Variants in SIMC1 observed in about 807,000 individuals in gnomAD.
SIMC1 encodes the protein SUMO interacting motifs containing 1, also known as SUMO-interacting motif-containing protein 1.
SIMC1 carries 55 observed loss-of-function variants against 82.3 expected under a neutral mutation model. That is an observed-to-expected ratio of 0.67 (90% confidence interval 0.54 to 0.84). The LOEUF is 0.84. SIMC1 is among the 40% of genes least tolerant of loss of function. The pLI is 0.00. For synonymous variants in SIMC1, 353 were observed against 426.3 expected (o/e 0.83, Z 2.12); for missense variants, 915 against 1,107.2 (o/e 0.83, Z 2.46).
At chr5:176,329,496 T>G (rs994225757) in intron 7 of SIMC1, among the ~76,000 whole-genome samples, 16 of 126,564 alleles carry the variant, frequency 1.3e-4, no homozygotes, top group Admixed American at 7.4e-4. Flanking sequence ...ACTCCCTCTT[T>G]AAAAAAAAAA....
At chr5:176,252,225 C>A (rs535245268) in intron 1 of SIMC1, among the ~76,000 whole-genome samples, 12 of 148,828 alleles carry the variant, frequency 8.1e-5, no homozygotes, top group South Asian at 4.3e-4. Flanking sequence ...CCGCCCCCCC[C>A]ACCTCCCTCC....
rs370672569 is a variant in SIMC1, at chr5:176,295,291, G to A, written c.1664+29G>A. 27 of 1,580,234 alleles carry A rather than the reference G, an allele frequency of 1.7e-5. No individual in the cohort carries two copies. The African/African-American group carries it at 1.9e-4, about 11-fold the overall frequency. On this transcript the variant is annotated intron_variant, in intron 3 of 9. Transcript: ENST00000429602. ...TGAACCGTAACCTCTGGCTGTTGGC[G>A]AATCTTCTAGGGATCTTGGACTCAG...
chr5:176,273,547 A>C (rs1751540445), intron 1 of SIMC1, among the ~76,000 whole-genome samples: 1 of 152,224 alleles, frequency 6.6e-6, no homozygotes, highest in Non-Finnish European at 1.5e-5. Context: ...GTACATGTGC[A>C]CAATGTGCAG....
At chr5:176,313,667 G>A (rs1238553173) in intron 4 of SIMC1, 24 bp from the exon 5 acceptor site, 2 of 1,612,072 alleles carry the variant, frequency 1.2e-6, no homozygotes, top group East Asian at 2.2e-5. Context: ...AAGAAAGACT[G>A]ACTTCTCATT....
chr5:176,325,481 C>T (rs913672617), intron 7 of SIMC1, among the ~76,000 whole-genome samples: 3 of 152,028 alleles, frequency 2.0e-5, no homozygotes, highest in African/African-American at 2.4e-5. Context: ...GTCAGGAGAT[C>T]GAGACCATCC....
Position 176,290,865 on chromosome 5 carries a change from A to G in SIMC1, c.1341A>G (p.Arg447=). Residue 447 remains arginine (R), a synonymous_variant, in exon 2 of 10, where the codon AGA becomes AGG. Coordinates refer to ENST00000429602, the MANE Select transcript of SIMC1 (RefSeq NM_001308195.2). ...CACCACAAGGTGGGTTGTACAACAG[A>G]CCATGCCTGCATAGACTGAAGTACT... ...SRTPQGGLYN[R]PCLHRLKYFL... 6.2e-7 allele frequency: 1 copy of G among 1,613,480 alleles called. No individual in the cohort carries two copies. Among genetic ancestry groups the G allele is most frequent in the Non-Finnish European group, 8.5e-7 (1 of 1,179,610 alleles).
At chr5:176,327,725 G>A (rs1198201039) in intron 7 of SIMC1, among the ~76,000 whole-genome samples, 1 of 152,142 alleles carries the variant, frequency 6.6e-6, no homozygotes, top group African/African-American at 2.4e-5. Flanking sequence ...AGCTATAAAT[G>A]TTTCATAGGT....
rs962754680 is a variant in SIMC1 at position 176,280,387 on chromosome 5, C to A, written c.130-9267C>A. Among the ~76,000 whole-genome samples the A allele has an allele frequency of 1.4e-4, 21 of 149,286 alleles. 2 individuals are homozygous for A. The highest frequency in any genetic ancestry group is 4.5e-5 in the Non-Finnish European group (3 of 66,252). ...TGTGTGTCTCTGCATGTGTCTTTAT[C>A]CAATTTGCCAGTCTGTGTCTTTTAA... On this transcript the variant is annotated intron_variant, in intron 1 of 9. Transcript: ENST00000429602.
chr5:176,251,482 A>C (rs1008526995), intron 1 of SIMC1, among the ~76,000 whole-genome samples: 2 of 152,126 alleles, frequency 1.3e-5, no homozygotes, highest in African/African-American at 4.8e-5. Flanking sequence ...GTGATGACAA[A>C]ATCTCTCAGC....
chr5:176,247,088 T>C (rs1397753901), intron 1 of SIMC1, among the ~76,000 whole-genome samples: 2 of 152,154 alleles, frequency 1.3e-5, no homozygotes, highest in African/African-American at 4.8e-5. Flanking sequence ...TGTGTCTTTA[T>C]AGTAGAATGA....
At chr5:176,321,117 T>A (rs1765138492) in intron 5 of SIMC1, among the ~76,000 whole-genome samples, 1 of 152,206 alleles carries the variant, frequency 6.6e-6, no homozygotes, top group Admixed American at 6.5e-5. Context: ...CTTTCCTTTC[T>A]ATGTAGTTGT....
At position 176,289,859 on chromosome 5, in the gene SIMC1, A is replaced by G; in HGVS notation, c.335A>G (p.His112Arg). The change falls in exon 2 of 10, where the codon CAC (histidine) becomes CGC (arginine). Residue 112 changes from histidine to arginine, a missense_variant. Coordinates refer to ENST00000429602, the MANE Select transcript of SIMC1 (RefSeq NM_001308195.2). ...TCTGGCAAAGCGGTGATGGAAGGGC[A>G]CGTGGACAGAAGCTCTCAGCCTACA... is the stretch of plus-strand genomic sequence containing the variant. Reference protein sequence around the residue: ...SLSGKAVMEGHVDRSSQPTAR... With the variant: ...SLSGKAVMEGRVDRSSQPTAR... 1 of 1,613,948 alleles carries G rather than the reference A, an allele frequency of 6.2e-7. No individual in the cohort carries two copies. Among genetic ancestry groups the G allele is most frequent in the South Asian group, 1.1e-5 (1 of 91,074 alleles).
At chr5:176,278,923 T>A (rs1462175451) in intron 1 of SIMC1, among the ~76,000 whole-genome samples, 3 of 152,038 alleles carry the variant, frequency 2.0e-5, no homozygotes, top group African/African-American at 7.2e-5. Flanking sequence ...TTTTTGGTTG[T>A]GTCTCTGCCC....
chr5:176,306,860 A>G (rs1764438991), intron 4 of SIMC1, among the ~76,000 whole-genome samples: 2 of 151,776 alleles, frequency 1.3e-5, no homozygotes, highest in Admixed American at 6.6e-5. Flanking sequence ...CTGTTGTCCC[A>G]TGACCCTGCC....
At chr5:176,339,093 G>C (rs1384743339) in intron 9 of SIMC1, among the ~76,000 whole-genome samples, 1 of 152,198 alleles carries the variant, frequency 6.6e-6, no homozygotes, top group East Asian at 1.9e-4. Context: ...GCCAGGCATG[G>C]TGGCTCACGC....
chr5:176,316,298 C>T (rs983833294), intron 5 of SIMC1, among the ~76,000 whole-genome samples: 1 of 152,110 alleles, frequency 6.6e-6, no homozygotes. Context: ...AGGCACTGTT[C>T]TCTCAGTTGC....
In SIMC1 at chr5:176,251,158, G is replaced by A. The variant is rs551925216; in HGVS notation, c.129+12521G>A. Among the ~76,000 whole-genome samples the A allele has an allele frequency of 1.5e-4, 23 of 152,160 alleles. No individual in the cohort carries two copies. In the East Asian group the frequency reaches 2.9e-3, roughly 19 times the overall value. On this transcript the variant is annotated intron_variant, in intron 1 of 9. Transcript: ENST00000429602. ...GGGCAGATCACAAGGTCAGGAGATC[G>A]AGACCATCCTGGGCAACATGGTGAA...
intron 5 of SIMC1, among the ~76,000 whole-genome samples, chr5:176,317,659 A>G (rs544191172): frequency 3.9e-4 from 59 of 152,262 alleles, no homozygotes; most frequent in African/African-American, 1.2e-3. Flanking sequence ...TACTATGACT[A>G]TGTGTGCTAG....
chr5:176,293,814 T>C (rs1291359378), intron 2 of SIMC1, among the ~76,000 whole-genome samples: 1 of 151,856 alleles, frequency 6.6e-6, no homozygotes. Flanking sequence ...AACTTTAAAA[T>C]TGTTTAATTC....
Sources: allele counts gnomAD v4.1 joint callset (sites outside exome capture counted in the v4.1 genomes callset), GRCh38; gene constraint gnomAD v4.1.1; transcripts MANE v1.5; gene names NCBI Gene and HGNC (gene_info 2026-07-23, HGNC 2026-07-21).